Variants in KALRN observed in about 807,000 individuals in gnomAD.
The protein encoded by KALRN is kalirin.
KALRN carries 70 observed loss-of-function variants against 353.7 expected under a neutral mutation model. That is an observed-to-expected ratio of 0.20 (90% CI 0.16 to 0.24). The LOEUF (loss-of-function observed/expected upper bound fraction) is 0.24, where lower values mean the gene tolerates loss of function less well. Among genes scored for constraint, KALRN ranks in the 10% least tolerant of loss-of-function variants. KALRN has a pLI of 1.00. For missense variants in KALRN, 2,791 were observed against 3,756.7 expected (o/e 0.74, Z 6.72); for synonymous variants, 1,391 against 1,434.8 (o/e 0.97, Z 0.69).
At chr3:124,673,834 T>G (rs73195563) in intron 48 of KALRN, among the ~76,000 whole-genome samples, 1 of 152,128 alleles carries the variant, frequency 6.6e-6, no homozygotes, top group Non-Finnish European at 1.5e-5. Context: ...TAGGTCATGG[T>G]CTTGCCTTTG....
At chr3:124,519,362 CAA>C (rs2066969939) in intron 33 of KALRN, 1 of 985,432 alleles carries the variant, frequency 1.0e-6, no homozygotes, top group South Asian at 4.7e-5. Context: ...CCAACACACT[CAA>C]GAGAGAGCCC....
chr3:124,696,077 C>T (rs1044990472), intron 53 of KALRN, 57 bp from the exon 54 acceptor site: 7 of 1,595,920 alleles, frequency 4.4e-6, no homozygotes, highest in Non-Finnish European at 6.0e-6. Flanking sequence ...GGGATTTTAC[C>T]CAGCAGTCAA....
intron 1 of KALRN, among the ~76,000 whole-genome samples, chr3:124,200,475 C>T (rs963618471): frequency 6.6e-6 from 1 of 152,156 alleles, no homozygotes; most frequent in Non-Finnish European, 1.5e-5. Flanking sequence ...TCTCTGGGGT[C>T]TTTTTTAAAG....
At chr3:124,233,993 C>A (rs2079471881) in intron 2 of KALRN, among the ~76,000 whole-genome samples, 1 of 152,096 alleles carries the variant, frequency 6.6e-6, no homozygotes, top group South Asian at 2.1e-4. Context: ...ATTTTAAAAT[C>A]ATGTAATAAA....
chr3:124,436,021 C>T (rs1480007241), intron 17 of KALRN, among the ~76,000 whole-genome samples: 1 of 152,160 alleles, frequency 6.6e-6, no homozygotes, highest in Non-Finnish European at 1.5e-5. Context: ...TAAGAATAAA[C>T]ACAATGAGAC....
At chr3:124,451,200 C>T (rs2058744626) in intron 21 of KALRN, among the ~76,000 whole-genome samples, 1 of 151,596 alleles carries the variant, frequency 6.6e-6, no homozygotes, top group Admixed American at 6.6e-5. Context: ...AAAAAATTTA[C>T]TCAGAGTGAG....
chr3:124,634,140 T>G (rs908359314), intron 36 of KALRN, among the ~76,000 whole-genome samples, 187 bp downstream of exon 36: 3 of 152,168 alleles, frequency 2.0e-5, no homozygotes, highest in Non-Finnish European at 2.9e-5. Flanking sequence ...TCCAACTTCA[T>G]TCTAGGCAGT....
At chr3:124,235,275 G>A (rs966719832) in intron 3 of KALRN, among the ~76,000 whole-genome samples, 1 of 152,118 alleles carries the variant, frequency 6.6e-6, no homozygotes, top group Non-Finnish European at 1.5e-5. Context: ...TTGGTTCTTG[G>A]GGATAGCAAA....
At chr3:124,695,052 A>AT (rs139829800) in intron 53 of KALRN, among the ~76,000 whole-genome samples, 13,677 of 152,036 alleles carry the variant, frequency 0.09, 982 homozygotes, top group East Asian at 0.32. Flanking sequence ...ACATCCTGAC[A>AT]TTTTTTGTGC....
chr3:124,669,409 A>G (rs2086096248), intron 47 of KALRN, among the ~76,000 whole-genome samples: 1 of 152,202 alleles, frequency 6.6e-6, no homozygotes. Context: ...AAGTTATGCA[A>G]ATGGAGGCTG....
chr3:124,398,711 C>G lies in KALRN; in HGVS notation c.2186C>G (p.Ser729Cys). The G allele has an allele frequency of 6.2e-7, 1 of 1,614,114 alleles. No homozygotes were observed. Among genetic ancestry groups the G allele is most frequent in the Middle Eastern group, 1.7e-4 (1 of 6,060 alleles). The change falls in exon 13 of 60, where the codon TCC (serine) becomes TGC (cysteine). Residue 729 changes from serine to cysteine, a missense_variant. Ser to Cys is a moderately radical substitution (Grantham distance 112). Around this residue, in one of 11 missense-constraint regions of KALRN, gnomAD observed 452 missense variants for 575.8 expected, o/e 0.78. Coordinates refer to ENST00000682506, the MANE Select transcript of KALRN (RefSeq NM_001388419.1). ...CTCTGCCACAGGGACTCGGCTGTGT[C>G]CAACAACAAAACACCCCACAGCAGC... ...EPSEARDSAV[S>C]NNKTPHSSSI...
intron 1 of KALRN, among the ~76,000 whole-genome samples, chr3:124,182,339 G>A (rs1260322681): frequency 2.0e-5 from 3 of 152,166 alleles, no homozygotes; most frequent in African/African-American, 7.2e-5. Flanking sequence ...TCCAGGGTTG[G>A]AGTCTTATGT....
At chr3:124,448,997 A>G (rs1391189619) in intron 21 of KALRN, among the ~76,000 whole-genome samples, 8 of 152,184 alleles carry the variant, frequency 5.3e-5, no homozygotes, top group South Asian at 2.1e-4. Context: ...TCATGTTCCA[A>G]ATCTCATGGT....
intron 3 of KALRN, among the ~76,000 whole-genome samples, chr3:124,260,950 C>G (rs2072767381): frequency 6.6e-6 from 1 of 152,130 alleles, no homozygotes; most frequent in Admixed American, 6.5e-5. Flanking sequence ...ATCCCCTCAT[C>G]TCTGACCCCC....
chr3:124,628,742 A>ATT (rs58523719), intron 34 of KALRN, among the ~76,000 whole-genome samples: 2,881 of 99,858 alleles, frequency 0.029, 293 homozygotes, highest in African/African-American at 0.053. Context: ...CACCTGGCTA[A>ATT]TTTTTTTTTT....
rs2080914251 is a variant in KALRN at position 124,632,680 on chromosome 3, C to T, written c.5443C>T (p.Pro1815Ser). 5.6e-6 allele frequency: 9 copies of T among 1,614,130 alleles called. No individual in the cohort carries two copies. Among genetic ancestry groups the T allele is most frequent in the Non-Finnish European group, 7.6e-6 (9 of 1,179,998 alleles). ...GSPKPGDETTPQGDSADESKK... is the reference protein window; with the variant it reads ...GSPKPGDETTSQGDSADESKK... ...TCCCAAGCCTGGGGATGAAACAACC[C>T]CTCAGGGAGACAGCGCTGATGAGGT... The change falls in exon 35 of 60, where the codon CCT becomes TCT. Residue 1815 changes from proline (P) to serine (S), a missense_variant. By Grantham distance (74) the Pro-to-Ser change is moderately conservative (BLOSUM62 -1). Around this residue, in one of 11 missense-constraint regions of KALRN, gnomAD observed 1,065 missense variants for 1,156.4 expected, o/e 0.92. Transcript: ENST00000682506.
intron 36 of KALRN, among the ~76,000 whole-genome samples, chr3:124,636,346 G>A (rs1293579185): frequency 6.6e-6 from 1 of 152,166 alleles, no homozygotes; most frequent in South Asian, 2.1e-4. Context: ...GAAGAAGGAA[G>A]AAAAAGCCAA....
At chr3:124,355,707 A>ATATTTTT (rs1321114015) in intron 10 of KALRN, among the ~76,000 whole-genome samples, 1 of 87,410 alleles carries the variant, frequency 1.1e-5, no homozygotes, top group Non-Finnish European at 2.2e-5. Flanking sequence ...ACTCTCTCCC[A>ATATTTTT]TCTTTTTTTT....
chr3:124,082,998 G>C (rs1263374768), intron 1 of KALRN, among the ~76,000 whole-genome samples: 1 of 152,190 alleles, frequency 6.6e-6, no homozygotes, highest in Admixed American at 6.5e-5. Context: ...CTCCTGCCTT[G>C]GGCAGGGTTA....
Sources: allele counts gnomAD v4.1 joint callset (sites outside exome capture counted in the v4.1 genomes callset), GRCh38; gene constraint gnomAD v4.1.1; regional missense constraint gnomAD v4.1.1; transcripts MANE v1.5; gene names NCBI Gene and HGNC (gene_info 2026-07-23, HGNC 2026-07-21).